NDRG2: variants seen among roughly 807,000 people sequenced by gnomAD.
NDRG2 encodes protein NDRG2.
Under a neutral mutation model 58.2 loss-of-function variants are expected in NDRG2, and 34 were observed. That is an observed-to-expected ratio of 0.58 (90% CI 0.44 to 0.78). NDRG2 has a LOEUF of 0.78. NDRG2 is among the 30% of genes least tolerant of loss of function. The probability of loss-of-function intolerance (pLI) is 0.00; values close to 1 mark genes in which losing one functional copy is unlikely to be tolerated. For missense variants in NDRG2, 434 were observed against 471.2 expected (o/e 0.92, Z 0.73); for synonymous variants, 187 against 175.9 (o/e 1.06, Z -0.50).
At chr14:21,025,455 T>C (rs1012496492), upstream of NDRG2, 1 of 985,388 alleles carries the variant, frequency 1.0e-6, no homozygotes, top group Non-Finnish European at 1.2e-6. The surrounding 1 kb of genome is among the most constrained non-coding windows in gnomAD (Gnocchi z 5.1). Context: ...TGGGAACCGG[T>C]AGTGGGGAGA....
chr14:21,039,255 G>A (rs770830006), intron 1 of NDRG2, among the ~76,000 whole-genome samples: 3 of 152,158 alleles, frequency 2.0e-5, no homozygotes, highest in Non-Finnish European at 1.5e-5. Context: ...TGGCACTGTT[G>A]GGATTTTCAC....
At chr14:21,057,160 C>A (rs566868289) in intron 1 of NDRG2, among the ~76,000 whole-genome samples, 1 of 152,116 alleles carries the variant, frequency 6.6e-6, no homozygotes, top group Non-Finnish European at 1.5e-5. Flanking sequence ...CTTAACCGGG[C>A]GCGGTGGCTC....
chr14:21,041,904 T>C (rs1168410379), intron 1 of NDRG2, among the ~76,000 whole-genome samples: 1 of 152,138 alleles, frequency 6.6e-6, no homozygotes, highest in East Asian at 1.9e-4. Flanking sequence ...CTCCGAAAGA[T>C]AACCAGTATC....
intron 1 of NDRG2, among the ~76,000 whole-genome samples, chr14:21,069,738 T>C (rs963509467): frequency 6.6e-6 from 1 of 151,792 alleles, no homozygotes; most frequent in Non-Finnish European, 1.5e-5. Context: ...GGTTGGGGAA[T>C]CCCCTGATTT....
At position 21,024,047 on chromosome 14, in the gene NDRG2, G is replaced by C. The variant is rs1319736284; in HGVS notation, c.-24C>G. On this transcript the variant is annotated 5_prime_UTR_variant, in exon 1 of 16. It adds an upstream start codon to the 5' untranslated region. Coordinates refer to ENST00000556147, the MANE Select transcript of NDRG2 (RefSeq NM_001320329.2). ...TCACTTACTGGGCTCCTATTGGCTGGATGCAGTGGGATTAGGGGTCAGGGT... is the reference window on the plus strand; with the variant it reads ...TCACTTACTGGGCTCCTATTGGCTGCATGCAGTGGGATTAGGGGTCAGGGT... 1.0e-6 allele frequency: 1 copy of C among 985,670 alleles called. No individual in the cohort carries two copies. The highest frequency in any genetic ancestry group is 1.2e-6 in the Non-Finnish European group (1 of 830,104). 61.1% of individuals were successfully genotyped at this position (985,670 alleles called of 1,614,324 possible). A position where few individuals can be genotyped will look rare whatever the true frequency, so the allele number is the denominator to read the frequency against.
intron 1 of NDRG2, chr14:21,043,225 G>T: frequency 6.2e-7 from 1 of 1,614,210 alleles, no homozygotes; most frequent in Non-Finnish European, 8.5e-7. Context: ...CCTTTCTCCA[G>T]TGTGGCCGCC....
upstream of NDRG2, among the ~76,000 whole-genome samples, chr14:21,029,550 T>A (rs1054243311): frequency 7.2e-5 from 11 of 152,154 alleles, no homozygotes; most frequent in Non-Finnish European, 1.5e-4. Flanking sequence ...TGCCCCAGGA[T>A]CATGCCACTG....
At chr14:21,019,809 A>C in intron 9 of NDRG2, 67 bp from the exon 10 acceptor site, 1 of 1,505,438 alleles carries the variant, frequency 6.6e-7, no homozygotes, top group Non-Finnish European at 9.2e-7. Flanking sequence ...GGAGGAAAAG[A>C]GGTAAGCCTT....
At chr14:21,056,907 A>G (rs1290189776) in intron 1 of NDRG2, among the ~76,000 whole-genome samples, 1 of 152,194 alleles carries the variant, frequency 6.6e-6, no homozygotes, top group East Asian at 1.9e-4. Flanking sequence ...GACATTCTCC[A>G]GCAGGGCAAA....
At chr14:21,057,218 T>C (rs1450676278) in intron 1 of NDRG2, among the ~76,000 whole-genome samples, 1 of 152,090 alleles carries the variant, frequency 6.6e-6, no homozygotes, top group East Asian at 1.9e-4. Flanking sequence ...GTGGATCACC[T>C]GAGGTCAGGA....
Position 21,024,976 on chromosome 14 carries a change from G to A in NDRG2, c.-953C>T. On this transcript the variant is annotated 5_prime_UTR_variant, in exon 1 of 16. Coordinates refer to ENST00000556147, the MANE Select transcript of NDRG2 (RefSeq NM_001320329.2). ...CGCGGATCAATCACACCGCCCGCCG[G>A]CCCGGCTGGCGCCTTCCAGGCCCTA... 1 of 985,598 alleles carries A rather than the reference G, an allele frequency of 1.0e-6. No homozygotes were observed. Among genetic ancestry groups the A allele is most frequent in the Non-Finnish European group, 1.2e-6 (1 of 830,096 alleles). The allele number at this position is 985,598 out of a possible 1,614,324, so 61.1% of individuals were successfully genotyped here.
intron 15 of NDRG2, 89 bp downstream of exon 15, chr14:21,017,898 C>T (rs1877655530): frequency 6.8e-6 from 11 of 1,606,252 alleles, no homozygotes; most frequent in South Asian, 1.1e-5. Context: ...GGGCAGATAG[C>T]GGTGAGTCCA....
At position 21,032,305 on chromosome 14, in the gene NDRG2, A is replaced by G. The variant is rs1235546941; in HGVS notation, c.25-8984T>C. 6.3e-6 allele frequency: 4 copies of G among 632,368 alleles called. No homozygotes were observed. The Admixed American group carries it at 8.4e-5, about 13-fold the overall frequency. The allele number at this position is 632,368 out of a possible 1,614,324, so 39.2% of individuals were successfully genotyped here. On this transcript the variant is annotated intron_variant, in intron 1 of 14. Coordinates refer to the NDRG2 transcript ENST00000403829. Reference sequence around the variant, plus strand: ...TTATGCCTACCAGCCATCAGTTAGCATTCCTCCTCAACAGCTGCTTCCAAG... The same window carrying G: ...TTATGCCTACCAGCCATCAGTTAGCGTTCCTCCTCAACAGCTGCTTCCAAG...
At chr14:21,069,001 A>G (rs561280936) in intron 1 of NDRG2, among the ~76,000 whole-genome samples, 1 of 152,370 alleles carries the variant, frequency 6.6e-6, no homozygotes, top group African/African-American at 2.4e-5. Flanking sequence ...AGGCGAGGCC[A>G]GACGTTTTCT....
chr14:21,021,729 T>C, intron 6 of NDRG2, 88 bp downstream of exon 6: 1 of 1,407,400 alleles, frequency 7.1e-7, no homozygotes, highest in African/African-American at 1.4e-5. Context: ...TGAAACTGGC[T>C]CAGGAACCAC....
At chr14:21,033,027 G>T (rs1053112385) in intron 1 of NDRG2, 2 of 454,076 alleles carry the variant, frequency 4.4e-6, no homozygotes, top group Non-Finnish European at 8.8e-6. Context: ...GAGTCTGGGG[G>T]ATTTGGGAGG....
intron 1 of NDRG2, among the ~76,000 whole-genome samples, chr14:21,061,771 G>T (rs1885977146): frequency 6.6e-6 from 1 of 152,204 alleles, no homozygotes. Context: ...TATTAGGCTT[G>T]TCATTCTAAT....
intron 1 of NDRG2, among the ~76,000 whole-genome samples, chr14:21,056,844 C>T (rs768140626): frequency 7.4e-4 from 113 of 152,168 alleles, no homozygotes; most frequent in Non-Finnish European, 1.4e-3. Context: ...ATGAGGGAGT[C>T]AACTGAGATG....
chr14:21,032,963 G>C (rs759372543), intron 1 of NDRG2: 29 of 456,030 alleles, frequency 6.4e-5, no homozygotes, highest in Non-Finnish European at 1.0e-4. Context: ...AGAAATTTAT[G>C]TTCGATTAGA....
Sources: gnomAD v4.1 joint callset for allele counts (sites outside exome capture counted in the v4.1 genomes callset) on GRCh38, gnomAD v4.1.1 for gene constraint, Gnocchi (gnomAD v3.1) non-coding constraint, MANE v1.5 for transcripts, NCBI Gene and HGNC (gene_info 2026-07-23, HGNC 2026-07-21) for gene names.